The following TFEC variants were observed in gnomAD, a reference collection of about 807,000 sequenced individuals.
TFEC encodes the protein class E basic helix-loop-helix protein 34.
A neutral mutation model predicts 41.6 loss-of-function variants in TFEC; 31 were observed. That is an observed-to-expected ratio of 0.74 (90% CI 0.56 to 1.01). The LOEUF is 1.01. Among genes scored for constraint, TFEC ranks in the 50% least tolerant of loss-of-function variants. The pLI, the probability that TFEC is intolerant of heterozygous loss-of-function variation, is 0.00. For missense variants in TFEC, 402 were observed against 404.1 expected, an observed-to-expected ratio of 0.99 and a Z score of 0.04; for synonymous variants, 143 against 140.6, an observed-to-expected ratio of 1.02 and a Z score of -0.12.
intron 1 of TFEC, among the ~76,000 whole-genome samples, chr7:116,154,744 T>C (rs376424936): frequency 3.3e-5 from 5 of 152,218 alleles, no homozygotes; most frequent in African/African-American, 9.6e-5. Context: ...GCAAACTCTA[T>C]CTTCTAGAAT....
chr7:115,951,826 G>A (rs73218428), intron 5 of TFEC, among the ~76,000 whole-genome samples: 63 of 151,972 alleles, frequency 4.1e-4, no homozygotes, highest in Non-Finnish European at 5.6e-4. Context: ...TCTGAACATC[G>A]TAAATGTTCA....
At chr7:115,976,092 C>T (rs770993297) in intron 2 of TFEC, among the ~76,000 whole-genome samples, 8 of 152,004 alleles carry the variant, frequency 5.3e-5, no homozygotes, top group South Asian at 2.1e-4. Context: ...AGTGTAACTG[C>T]GAAAATGAAA....
chr7:116,138,510 T>A (rs1361934491), intron 1 of TFEC, among the ~76,000 whole-genome samples: 1 of 152,220 alleles, frequency 6.6e-6, no homozygotes, highest in Non-Finnish European at 1.5e-5. Flanking sequence ...CTGAGTTCAT[T>A]TCATCCCTAA....
chr7:116,090,487 C>T (rs533365779), intron 3 of TFEC, among the ~76,000 whole-genome samples: 15 of 152,102 alleles, frequency 9.9e-5, no homozygotes, highest in Middle Eastern at 3.4e-3. Context: ...ATTCTTCATT[C>T]GAGACGCCAA....
At chr7:116,140,158 T>C (rs143819862) in intron 1 of TFEC, among the ~76,000 whole-genome samples, 246 of 152,156 alleles carry the variant, frequency 1.6e-3, no homozygotes, top group African/African-American at 5.7e-3. Context: ...CAATCTAAGG[T>C]TTCAGTAATA....
chr7:115,997,716 G>A (rs1483781338), intron 1 of TFEC, among the ~76,000 whole-genome samples: 1 of 152,106 alleles, frequency 6.6e-6, no homozygotes, highest in Non-Finnish European at 1.5e-5. Flanking sequence ...ACAAAATGGA[G>A]AAGCAATTCA....
At chr7:116,022,052 G>A (rs1477719823) in intron 1 of TFEC, among the ~76,000 whole-genome samples, 1 of 152,162 alleles carries the variant, frequency 6.6e-6, no homozygotes, top group Non-Finnish European at 1.5e-5. Context: ...GGGTGGCCAG[G>A]AGAAAAGCAC....
At chr7:116,018,036 G>A (rs1299688458) in intron 1 of TFEC, among the ~76,000 whole-genome samples, 2 of 151,834 alleles carry the variant, frequency 1.3e-5, no homozygotes, top group Non-Finnish European at 2.9e-5. Flanking sequence ...CAGTGAATGA[G>A]GAAAAAAGCC....
upstream of TFEC, among the ~76,000 whole-genome samples, chr7:116,032,608 T>C (rs1164942195): frequency 6.6e-6 from 1 of 152,034 alleles, no homozygotes; most frequent in East Asian, 1.9e-4. Flanking sequence ...GCATCTTCTC[T>C]CTTATAAGTG....
Position 116,136,262 on chromosome 7 carries a change from AAAC to A in TFEC, c.-69+23525_-69+23527del, listed in dbSNP as rs1184493545. Among the ~76,000 whole-genome samples the A allele has an allele frequency of 5.9e-5, 9 of 152,160 alleles. No homozygotes were observed. In the East Asian group the frequency reaches 1.7e-3, roughly 29 times the overall value. On this transcript the variant is annotated intron_variant, in intron 1 of 8. Coordinates refer to the TFEC transcript ENST00000484212. ...GTAATATTATGAACTCTATTAATGA[AAAC>A]AATTCGAAGCAATTTAATAATTCAA... is the stretch of plus-strand genomic sequence containing the variant.
At chr7:116,103,615 G>T (rs907086365) in intron 3 of TFEC, among the ~76,000 whole-genome samples, 1 of 151,960 alleles carries the variant, frequency 6.6e-6, no homozygotes, top group Non-Finnish European at 1.5e-5. Flanking sequence ...TTCTGTTTTT[G>T]TCAATTATCT....
intron 5 of TFEC, 95 bp from the exon 6 acceptor site, chr7:115,951,044 G>T: frequency 1.6e-6 from 1 of 616,320 alleles, no homozygotes. Flanking sequence ...AAAAACAATG[G>T]GAAAAAAACT....
chr7:115,944,239 C>CTTT (rs1793674964), intron 6 of TFEC, among the ~76,000 whole-genome samples: 1 of 151,020 alleles, frequency 6.6e-6, no homozygotes, highest in Non-Finnish European at 1.5e-5. Context: ...TCTAATAATA[C>CTTT]TTTTAACTTT....
intron 3 of TFEC, among the ~76,000 whole-genome samples, chr7:116,076,196 CAAG>C (rs1796955994): frequency 6.6e-6 from 1 of 152,162 alleles, no homozygotes; most frequent in Non-Finnish European, 1.5e-5. Context: ...GTTCAGCTTT[CAAG>C]AAGCCCCATT....
At chr7:115,956,387 G>A (rs976629737) in intron 4 of TFEC, among the ~76,000 whole-genome samples, 2 of 151,744 alleles carry the variant, frequency 1.3e-5, no homozygotes, top group African/African-American at 4.8e-5. Flanking sequence ...GTTAAATGAA[G>A]CTGTCTTTTA....
Position 116,117,871 on chromosome 7 carries a change from A to T in TFEC, c.-68-5833T>A, listed in dbSNP as rs183050234. 4.6e-5 allele frequency among the ~76,000 whole-genome samples: 7 copies of T among 151,996 alleles called. No homozygotes were observed. The East Asian group carries it at 1.4e-3, about 29-fold the overall frequency. On this transcript the variant is annotated intron_variant, in intron 1 of 8. Coordinates refer to the TFEC transcript ENST00000484212. ...TTGAGTATCATGCAAGATTCTGTAT[A>T]GGCAAGAACATTGCTCTAAAATATG...
intron 3 of TFEC, among the ~76,000 whole-genome samples, chr7:116,081,964 A>G (rs1369533324): frequency 6.6e-6 from 1 of 151,872 alleles, no homozygotes; most frequent in Non-Finnish European, 1.5e-5. Context: ...TCCTTCATGT[A>G]TATGTATTTA....
rs182586194 is a variant in TFEC at position 116,067,474 on chromosome 7, A to G, written c.198+43234T>C. On this transcript the variant is annotated intron_variant, in intron 3 of 8. Coordinates refer to the TFEC transcript ENST00000484212. ...GAAATATGAAAAAAACCTGTAATCAATCAACCGAGTATTTTGGATATCCAT... is the reference window on the plus strand; with the variant it reads ...GAAATATGAAAAAAACCTGTAATCAGTCAACCGAGTATTTTGGATATCCAT... 3.1e-3 allele frequency among the ~76,000 whole-genome samples: 470 copies of G among 152,144 alleles called. 3 individuals carry two copies. The highest frequency in any genetic ancestry group is 0.011 in the African/African-American group (450 of 41,562).
intron 1 of TFEC, among the ~76,000 whole-genome samples, chr7:116,128,532 T>C (rs1415517657): frequency 5.3e-5 from 8 of 152,152 alleles, no homozygotes; most frequent in African/African-American, 1.9e-4. Context: ...TTTAACTATT[T>C]TTATATAAAA....
Sources: allele counts gnomAD v4.1 joint callset (sites outside exome capture counted in the v4.1 genomes callset), GRCh38; gene constraint gnomAD v4.1.1; transcripts MANE v1.5; gene names NCBI Gene and HGNC (gene_info 2026-07-23, HGNC 2026-07-21).